NTM: variants seen among roughly 807,000 people sequenced by gnomAD.
The protein encoded by NTM is neurotrimin, also known as IgLON family member 2.
In NTM, 13 loss-of-function variants were observed where a neutral mutation model predicts 42.1. The ratio of observed to expected loss-of-function variants is 0.31; its 90% CI spans 0.20 to 0.49. NTM has a LOEUF of 0.49. Among genes scored for constraint, NTM ranks in the 20% least tolerant of loss-of-function variants. NTM has a pLI of 0.99. For missense variants in NTM, 373 were observed against 452.8 expected (o/e 0.82, Z 1.60); for synonymous variants, 187 against 179.2 (o/e 1.04, Z -0.35).
At chr11:131,633,879 A>G (rs1357098588) in intron 1 of NTM, among the ~76,000 whole-genome samples, 2 of 151,718 alleles carry the variant, frequency 1.3e-5, no homozygotes. Context: ...CAGAACTCCT[A>G]CCACAGAGAG....
chr11:131,630,787 T>G (rs942824676), intron 1 of NTM, among the ~76,000 whole-genome samples: 4 of 152,214 alleles, frequency 2.6e-5, no homozygotes, highest in African/African-American at 4.8e-5. Context: ...GCAGCTCCAG[T>G]CTTTTATTGA....
chr11:131,580,033 A>G (rs1234836332), intron 1 of NTM, among the ~76,000 whole-genome samples: 1 of 152,090 alleles, frequency 6.6e-6, no homozygotes, highest in Non-Finnish European at 1.5e-5. Context: ...GATGGCCTAT[A>G]ATGTACCCAG....
At chr11:131,587,061 C>T (rs192877050) in intron 1 of NTM, among the ~76,000 whole-genome samples, 91 of 152,308 alleles carry the variant, frequency 6.0e-4, no homozygotes, top group African/African-American at 1.9e-3. Flanking sequence ...TACACCCAGT[C>T]ATTACTCCAC....
chr11:131,974,192 A>C (rs2063971575), intron 2 of NTM, among the ~76,000 whole-genome samples: 2 of 152,186 alleles, frequency 1.3e-5, no homozygotes, highest in African/African-American at 4.8e-5. Context: ...TTAGTCATTA[A>C]TTTTGTGGGG....
At chr11:131,966,600 A>G (rs528185387) in intron 2 of NTM, among the ~76,000 whole-genome samples, 11 of 152,318 alleles carry the variant, frequency 7.2e-5, no homozygotes, top group Admixed American at 1.3e-4. Context: ...CAGAAGGGAC[A>G]GGCTATGTAA....
intron 1 of NTM, among the ~76,000 whole-genome samples, chr11:131,526,185 C>A (rs1263494304): frequency 6.6e-6 from 1 of 152,206 alleles, no homozygotes; most frequent in Admixed American, 6.5e-5. Context: ...ACATAAATGA[C>A]ACAGTCAGAA....
chr11:131,889,081 T>C (rs1419145291), intron 1 of NTM, among the ~76,000 whole-genome samples: 1 of 152,114 alleles, frequency 6.6e-6, no homozygotes, highest in African/African-American at 2.4e-5. Flanking sequence ...TAGGAAGTGT[T>C]GGTAATTTAT....
intron 1 of NTM, among the ~76,000 whole-genome samples, chr11:131,550,710 C>T (rs567996733): frequency 6.6e-6 from 1 of 152,114 alleles, no homozygotes; most frequent in South Asian, 2.1e-4. Context: ...TGAAAACAGA[C>T]TAATACACCT....
intron 1 of NTM, among the ~76,000 whole-genome samples, chr11:131,400,185 A>G (rs1440613340): frequency 6.6e-6 from 1 of 152,130 alleles, no homozygotes; most frequent in East Asian, 1.9e-4. Flanking sequence ...ACAAGGCTGT[A>G]AATGAATAGA....
chr11:132,073,258 G>A (rs2057937238), intron 2 of NTM, among the ~76,000 whole-genome samples: 1 of 152,184 alleles, frequency 6.6e-6, no homozygotes, highest in African/African-American at 2.4e-5. Flanking sequence ...TTATTTTGGT[G>A]ACTTTGAGTA....
At chr11:131,606,539 A>C (rs1434683787) in intron 1 of NTM, among the ~76,000 whole-genome samples, 1 of 152,250 alleles carries the variant, frequency 6.6e-6, no homozygotes, top group Non-Finnish European at 1.5e-5. Context: ...CAGCGATGAC[A>C]GTAATGGGTT....
intron 1 of NTM, among the ~76,000 whole-genome samples, chr11:131,839,430 G>C (rs77147587): frequency 6.6e-6 from 1 of 152,066 alleles, no homozygotes; most frequent in Non-Finnish European, 1.5e-5. Flanking sequence ...GAAATGAGTC[G>C]GGGGACATCT....
chr11:131,935,200 CG>C (rs2059079816), intron 2 of NTM, among the ~76,000 whole-genome samples: 2 of 152,042 alleles, frequency 1.3e-5, no homozygotes, highest in Non-Finnish European at 2.9e-5. Flanking sequence ...AACAGAGTAA[CG>C]GTGGTTTTGT....
intron 1 of NTM, among the ~76,000 whole-genome samples, chr11:131,878,583 AAAAAAAAAAAAATATATATATATATAT>A (rs1290581158): frequency 1.9e-5 from 1 of 54,008 alleles, no homozygotes; most frequent in East Asian, 6.3e-4. Flanking sequence ...AAAAAAAAAA[AAAAAAAAAAAAATATATATATATATAT>A]ATATATATAT....
Position 131,770,514 on chromosome 11 carries a change from G to C in NTM, c.83-141050G>C, listed in dbSNP as rs77875369. ...CTTAGGCAAGTCTGAGAGGAATTAG[G>C]TGTTTCCTTTCCAGGCACCAGGGTT... On this transcript the variant is annotated intron_variant, in intron 1 of 8. Transcript: ENST00000683400. Among the ~76,000 whole-genome samples the C allele has an allele frequency of 2.6e-5, 4 of 152,246 alleles. No homozygotes were observed. The South Asian group carries it at 8.3e-4, about 32-fold the overall frequency.
intron 1 of NTM, among the ~76,000 whole-genome samples, chr11:131,765,899 C>T (rs1400319125): frequency 6.6e-6 from 1 of 152,178 alleles, no homozygotes; most frequent in Non-Finnish European, 1.5e-5. Flanking sequence ...CAAGTGGATT[C>T]TTAAAGGAAA....
chr11:131,513,114 T>A (rs1289126629), intron 1 of NTM, among the ~76,000 whole-genome samples: 3 of 152,200 alleles, frequency 2.0e-5, no homozygotes, highest in Non-Finnish European at 4.4e-5. Flanking sequence ...TGGCTCCCCG[T>A]CCCTGAGCTT....
intron 2 of NTM, among the ~76,000 whole-genome samples, chr11:131,921,914 A>T (rs534240650): frequency 6.6e-6 from 1 of 151,936 alleles, no homozygotes; most frequent in Non-Finnish European, 1.5e-5. Flanking sequence ...CGTTTTCTAG[A>T]TTCATATCCC....
intron 1 of NTM, among the ~76,000 whole-genome samples, chr11:131,893,092 C>A (rs371450972): frequency 2.6e-5 from 4 of 152,100 alleles, no homozygotes; most frequent in Non-Finnish European, 4.4e-5. Context: ...ATATTCAGCC[C>A]GAATGTAGGA....
Sources: allele counts gnomAD v4.1 joint callset (sites outside exome capture counted in the v4.1 genomes callset), GRCh38; gene constraint gnomAD v4.1.1; transcripts MANE v1.5; gene names NCBI Gene and HGNC (gene_info 2026-07-23, HGNC 2026-07-21).